RNF17: variants seen among roughly 807,000 people sequenced by gnomAD.
RNF17 encodes the protein ring finger protein 17.
Under a neutral mutation model 200.5 loss-of-function variants are expected in RNF17, and 31 were observed. The ratio of observed to expected loss-of-function variants is 0.15; its 90% CI spans 0.12 to 0.21. The LOEUF (loss-of-function observed/expected upper bound fraction) is 0.21, where lower values mean the gene tolerates loss of function less well. Among genes scored for constraint, RNF17 ranks in the 10% least tolerant of loss-of-function variants. The pLI is 1.00. For synonymous variants in RNF17, 606 were observed against 637.8 expected (o/e 0.95, Z 0.75); for missense variants, 1,628 against 1,905.1 (o/e 0.85, Z 2.71).
At chr13:24,836,942 A>G in intron 18 of RNF17, among the ~76,000 whole-genome samples, 1 of 152,208 alleles carries the variant, frequency 6.6e-6, no homozygotes, top group East Asian at 1.9e-4. Context: ...CAGAATGGGT[A>G]AGAACTCACC....
chr13:24,869,391 C>T (rs1254258778), intron 31 of RNF17, among the ~76,000 whole-genome samples: 1 of 152,204 alleles, frequency 6.6e-6, no homozygotes, highest in Non-Finnish European at 1.5e-5. Context: ...TGCTAAACAA[C>T]TATTGCTGGT....
Position 24,842,172 on chromosome 13 carries a change from A to T in RNF17, c.2603+11A>T. 6.3e-7 allele frequency: 1 copy of T among 1,579,196 alleles called. No individual in the cohort carries two copies. The highest frequency in any genetic ancestry group is 8.6e-7 in the Non-Finnish European group (1 of 1,166,602). On this transcript the variant is annotated intron_variant, in intron 19 of 35. Coordinates refer to ENST00000255324, the MANE Select transcript of RNF17 (RefSeq NM_031277.3). Reference sequence around the variant, plus strand: ...ATCTTATGAAATAGGGTAAGTAGATATGTAAACTTTCATTGTTAGTTCATG... The same window carrying T: ...ATCTTATGAAATAGGGTAAGTAGATTTGTAAACTTTCATTGTTAGTTCATG...
At chr13:24,814,193 T>A (rs975610135) in intron 15 of RNF17, among the ~76,000 whole-genome samples, 2 of 152,176 alleles carry the variant, frequency 1.3e-5, no homozygotes, top group African/African-American at 4.8e-5. Flanking sequence ...CACCTTCATG[T>A]TGAATAGGCT....
In RNF17 at chr13:24,851,489, A is replaced by G; in HGVS notation, c.3238A>G (p.Ile1080Val). 1 of 1,613,628 alleles carries G rather than the reference A, an allele frequency of 6.2e-7. No homozygotes were observed. The highest frequency in any genetic ancestry group is 8.5e-7 in the Non-Finnish European group (1 of 1,179,840). Reference protein sequence around the residue: ...NNTTWPLPVKIFCRDEKGERV... With the variant: ...NNTTWPLPVKVFCRDEKGERV... ...CACAACATGGCCATTACCTGTGAAAATTTTCTGCAGAGATGAAAAAGGAGA... is the reference window on the plus strand; with the variant it reads ...CACAACATGGCCATTACCTGTGAAAGTTTTCTGCAGAGATGAAAAAGGAGA... Residue 1080 changes from isoleucine (I) to valine (V), a missense_variant, in exon 24 of 36, where the codon ATT (isoleucine) becomes GTT (valine). This residue lies in a region of RNF17 where 609 missense variants were observed against 681.9 expected (regional missense o/e 0.89). Coordinates refer to ENST00000255324, the MANE Select transcript of RNF17 (RefSeq NM_031277.3).
chr13:24,835,285 G>A lies in RNF17; in HGVS notation c.2482+3307G>A, dbSNP rs553278942. 5.3e-5 allele frequency among the ~76,000 whole-genome samples: 8 copies of A among 152,016 alleles called. No individual in the cohort carries two copies. The South Asian group carries it at 1.0e-3, about 20-fold the overall frequency. On this transcript the variant is annotated intron_variant, in intron 18 of 35. Transcript: ENST00000255324. The stretch of plus-strand genomic sequence containing the variant: ...GGGCATATTATCTTGTGAGTTCTAC[G>A]GCCCCGCCCATCGCCGGTTCCTCCT...
the RNF17 span, among the ~76,000 whole-genome samples, chr13:24,756,787 G>A: frequency 2.0e-5 from 3 of 152,072 alleles, no homozygotes; most frequent in South Asian, 2.1e-4. Flanking sequence ...AAAATCGACC[G>A]AAGCCTTCCC....
At chr13:24,787,391 G>A (rs1220018575) in intron 6 of RNF17, among the ~76,000 whole-genome samples, 1 of 152,136 alleles carries the variant, frequency 6.6e-6, no homozygotes, top group Non-Finnish European at 1.5e-5. Context: ...GTTCCTTGGT[G>A]TGCCTTGTGG....
intron 15 of RNF17, among the ~76,000 whole-genome samples, chr13:24,812,520 C>T (rs1359405392): frequency 2.0e-5 from 3 of 152,026 alleles, no homozygotes; most frequent in African/African-American, 7.2e-5. Flanking sequence ...GTGCATGCAC[C>T]CACTGACCTG....
rs199849731 is a variant in RNF17 at position 24,774,841 on chromosome 13, G to A, written c.254G>A (p.Arg85His). 30 of 1,612,196 alleles carry A rather than the reference G, an allele frequency of 1.9e-5. No individual in the cohort carries two copies. Among genetic ancestry groups the A allele is most frequent in the African/African-American group, 2.7e-5 (2 of 74,830 alleles). Residue 85 changes from arginine to histidine, a missense_variant, in exon 3 of 36, where the codon CGC (arginine) becomes CAC (histidine). Around this residue, in one of 5 missense-constraint regions of RNF17, gnomAD observed 502 missense variants for 501.7 expected, o/e 1.00. Transcript: ENST00000255324. ...EVATAVNTRQ[R>H]YYPMAGYIKE... is the part of the protein sequence containing the mutation. ...GCTACAGCTGTAAATACTAGACAAC[G>A]CTACTACCCAATGGCTGGATATATT...
At chr13:24,867,825 A>T (rs1893788717) in intron 30 of RNF17, among the ~76,000 whole-genome samples, 1 of 152,128 alleles carries the variant, frequency 6.6e-6, no homozygotes. Context: ...GAGAAAGCAC[A>T]CCTTTTTGAT....
intron 22 of RNF17, among the ~76,000 whole-genome samples, chr13:24,847,562 T>G (rs1401191322): frequency 6.6e-6 from 1 of 152,168 alleles, no homozygotes; most frequent in Non-Finnish European, 1.5e-5. Context: ...GCTAGGCTGG[T>G]CTCAAATTCC....
intron 15 of RNF17, among the ~76,000 whole-genome samples, chr13:24,824,731 A>G (rs1225415949): frequency 6.6e-6 from 1 of 152,346 alleles, no homozygotes; most frequent in African/African-American, 2.4e-5. Context: ...AAGATACTGG[A>G]TATTCATATA....
intron 10 of RNF17, 98 bp downstream of exon 10, chr13:24,793,444 G>T: frequency 1.6e-5 from 18 of 1,098,356 alleles, no homozygotes; most frequent in East Asian, 2.4e-5. Context: ...AAATATAATT[G>T]CTGTTATAAT....
At chr13:24,783,249 C>T (rs1046222396) in intron 6 of RNF17, among the ~76,000 whole-genome samples, 1 of 152,162 alleles carries the variant, frequency 6.6e-6, no homozygotes, top group Non-Finnish European at 1.5e-5. Flanking sequence ...TTCCGTTGTT[C>T]TGTATGTCTT....
intron 16 of RNF17, among the ~76,000 whole-genome samples, chr13:24,828,341 C>T (rs186040677): frequency 6.6e-6 from 1 of 152,212 alleles, no homozygotes; most frequent in African/African-American, 2.4e-5. Flanking sequence ...TCCTGTTGAA[C>T]TCCCTCTTGA....
chr13:24,846,495 T>C (rs1191169733), intron 22 of RNF17, among the ~76,000 whole-genome samples: 2 of 152,166 alleles, frequency 1.3e-5, no homozygotes, highest in Non-Finnish European at 2.9e-5. Context: ...ATTGTACATA[T>C]AGGAAACAGC....
intron 24 of RNF17, among the ~76,000 whole-genome samples, chr13:24,852,581 C>T (rs1056942031): frequency 3.3e-5 from 5 of 152,092 alleles, no homozygotes; most frequent in African/African-American, 1.2e-4. Flanking sequence ...GAACAGGGAT[C>T]CCAGTCCTGA....
chr13:24,757,720 T>C, the RNF17 span, among the ~76,000 whole-genome samples: 146 of 152,378 alleles, frequency 9.6e-4, 1 homozygote, highest in African/African-American at 3.4e-3. Context: ...AGTATTTCTA[T>C]AAATGTTTTC....
intron 24 of RNF17, among the ~76,000 whole-genome samples, chr13:24,852,277 T>C (rs915945184): frequency 6.6e-6 from 1 of 152,164 alleles, no homozygotes; most frequent in East Asian, 1.9e-4. Flanking sequence ...TAGCTGGGAC[T>C]ACAGGTGGCC....
Sources: allele counts gnomAD v4.1 joint callset (sites outside exome capture counted in the v4.1 genomes callset), GRCh38; gene constraint gnomAD v4.1.1; regional missense constraint gnomAD v4.1.1; transcripts MANE v1.5; gene names NCBI Gene and HGNC (gene_info 2026-07-23, HGNC 2026-07-21).